The following SHROOM2 variants were observed in gnomAD, a reference collection of about 807,000 sequenced individuals.
SHROOM2 encodes protein Shroom2.
Under a neutral mutation model 75.9 loss-of-function variants are expected in SHROOM2, and 33 were observed. The ratio of observed to expected loss-of-function variants is 0.43; its 90% confidence interval spans 0.33 to 0.58. The LOEUF (loss-of-function observed/expected upper bound fraction) is 0.58, where lower values mean the gene tolerates loss of function less well. Among genes scored for constraint, SHROOM2 ranks in the 20% least tolerant of loss-of-function variants. The pLI is 0.04. For synonymous variants in SHROOM2, 655 were observed against 663.6 expected, an observed-to-expected ratio of 0.99 and a Z score of 0.20; for missense variants, 1,434 against 1,461.2, an observed-to-expected ratio of 0.98 and a Z score of 0.30.
rs2084851004 is a variant in SHROOM2, at chrX:9,949,293, G to A, written c.*2356G>A. On this transcript the variant is annotated 3_prime_UTR_variant, in exon 10 of 10. Transcript: ENST00000380913. Reference sequence around the variant, plus strand: ...CGCCCTCTTGTAGTGTGGCTGTGGAGGGCTCTGCCTATGGGGGGTGGCCTG... The same window carrying A: ...CGCCCTCTTGTAGTGTGGCTGTGGAAGGCTCTGCCTATGGGGGGTGGCCTG... 1 of 329,940 alleles carries A rather than the reference G, an allele frequency of 3.0e-6. No homozygotes were observed. Among genetic ancestry groups the A allele is most frequent in the Non-Finnish European group, 5.9e-6 (1 of 169,640 alleles). 27.2% of individuals were successfully genotyped at this position (329,940 alleles called of 1,213,427 possible). A position where few individuals can be genotyped will look rare whatever the true frequency, so the allele number is the denominator to read the frequency against.
intron 1 of SHROOM2, among the ~76,000 whole-genome samples, chrX:9,866,270 G>A (rs1450206553): frequency 9.3e-6 from 1 of 108,107 alleles, no homozygotes; most frequent in Non-Finnish European, 1.9e-5. Flanking sequence ...TTCTGAAGAC[G>A]CCGAGCTCAA....
intron 2 of SHROOM2, among the ~76,000 whole-genome samples, chrX:9,881,203 G>C (rs945013524): frequency 8.9e-6 from 1 of 111,896 alleles, no homozygotes; most frequent in African/African-American, 3.3e-5. Context: ...GAGGGTAGTT[G>C]TACCATTTAC....
intron 5 of SHROOM2, among the ~76,000 whole-genome samples, chrX:9,925,816 G>A (rs754508457): frequency 1.8e-5 from 2 of 112,486 alleles, no homozygotes; most frequent in African/African-American, 3.2e-5. Context: ...CATTATCCAC[G>A]GGAAGTGTGT....
At chrX:9,832,079 C>T (rs892636940) in intron 1 of SHROOM2, among the ~76,000 whole-genome samples, 1 of 112,176 alleles carries the variant, frequency 8.9e-6, no homozygotes. Flanking sequence ...CCTAGGGAAC[C>T]TTAGTTAAGG....
chrX:9,808,857 G>A (rs781686189), intron 1 of SHROOM2, among the ~76,000 whole-genome samples: 9 of 109,701 alleles, frequency 8.2e-5, no homozygotes, highest in East Asian at 5.7e-4. Context: ...AGTGAACTTC[G>A]TCTCAAAAAA....
At chrX:9,918,172 A>G (rs2084508409) in intron 5 of SHROOM2, among the ~76,000 whole-genome samples, 1 of 112,889 alleles carries the variant, frequency 8.9e-6, no homozygotes. Flanking sequence ...GTTAGCAATT[A>G]GCATTCCCGA....
chrX:9,854,250 C>T (rs1344658371), intron 1 of SHROOM2, among the ~76,000 whole-genome samples: 1 of 112,660 alleles, frequency 8.9e-6, no homozygotes, highest in Non-Finnish European at 1.9e-5. Flanking sequence ...AGAAGAAATG[C>T]CACTCAAACC....
At chrX:9,941,440 G>A (rs766194877) in intron 8 of SHROOM2, among the ~76,000 whole-genome samples, 4 of 112,472 alleles carry the variant, frequency 3.6e-5, no homozygotes, top group Non-Finnish European at 7.5e-5. Context: ...GCCAGGTCTT[G>A]TCTCAGAAAT....
intron 1 of SHROOM2, among the ~76,000 whole-genome samples, chrX:9,847,312 C>A (rs1011108745): frequency 2.7e-5 from 3 of 112,289 alleles, no homozygotes; most frequent in African/African-American, 9.7e-5. Context: ...CCGTGCCTGA[C>A]GGATGAGAAT....
intron 2 of SHROOM2, among the ~76,000 whole-genome samples, chrX:9,876,647 C>T (rs983221855): frequency 3.6e-5 from 4 of 112,320 alleles, no homozygotes; most frequent in Non-Finnish European, 7.5e-5. Context: ...GAGACACCAA[C>T]ATATTCATAT....
intron 1 of SHROOM2, among the ~76,000 whole-genome samples, chrX:9,838,401 G>A (rs1250065472): frequency 9.0e-6 from 1 of 110,696 alleles, no homozygotes; most frequent in African/African-American, 3.3e-5. Flanking sequence ...CTGGGATTGG[G>A]TTGTTGCCAA....
intron 1 of SHROOM2, among the ~76,000 whole-genome samples, chrX:9,823,607 A>G (rs1298080844): frequency 9.0e-6 from 1 of 111,382 alleles, no homozygotes; most frequent in Non-Finnish European, 1.9e-5. Context: ...GTGCTAGGAA[A>G]ACAGAATCAG....
At chrX:9,931,627 A>G (rs1156525777) in intron 5 of SHROOM2, among the ~76,000 whole-genome samples, 1 of 111,364 alleles carries the variant, frequency 9.0e-6, no homozygotes, top group African/African-American at 3.3e-5. Context: ...CTGGGTGACA[A>G]AGCGAGACCC....
rs376108269 is a variant in SHROOM2 at position 9,854,297 on chromosome X, G to A, written c.166-19355G>A. On this transcript the variant is annotated intron_variant, in intron 1 of 9. Coordinates refer to ENST00000380913, the MANE Select transcript of SHROOM2 (RefSeq NM_001649.4). ...GTTTAGGAGAGGCTTTGCCTCTTGG[G>A]CCATTGCTTCATGTTCCCATTTTGG... 5.1e-4 allele frequency among the ~76,000 whole-genome samples: 57 copies of A among 112,154 alleles called. No homozygotes were observed. In the South Asian group the frequency reaches 0.014, roughly 27 times the overall value.
At chrX:9,921,675 C>A (rs2084546733) in intron 5 of SHROOM2, among the ~76,000 whole-genome samples, 1 of 112,192 alleles carries the variant, frequency 8.9e-6, no homozygotes, top group Non-Finnish European at 1.9e-5. Context: ...GTTTAAAATT[C>A]TTCACGTAAG....
intron 1 of SHROOM2, among the ~76,000 whole-genome samples, chrX:9,871,948 G>A (rs991587545): frequency 8.9e-6 from 1 of 112,405 alleles, no homozygotes. Flanking sequence ...TGATGTGCTT[G>A]TAACCAGTGA....
At chrX:9,905,747 A>G (rs938138693) in intron 5 of SHROOM2, among the ~76,000 whole-genome samples, 2 of 112,302 alleles carry the variant, frequency 1.8e-5, no homozygotes, top group African/African-American at 6.5e-5. Context: ...ATGGCTGTGT[A>G]TGTGTGTGTG....
chrX:9,836,107 C>T (rs745778532), intron 1 of SHROOM2, among the ~76,000 whole-genome samples: 39 of 112,336 alleles, frequency 3.5e-4, no homozygotes, highest in African/African-American at 8.4e-4. Context: ...GCAGCAGACC[C>T]GGGCACCAGA....
chrX:9,802,820 G>C (rs2083730752), intron 1 of SHROOM2, among the ~76,000 whole-genome samples: 1 of 111,039 alleles, frequency 9.0e-6, no homozygotes, highest in South Asian at 3.8e-4. Flanking sequence ...GACCATCTAA[G>C]ACAAGGTAAC....
Sources: allele counts gnomAD v4.1 joint callset (sites outside exome capture counted in the v4.1 genomes callset), GRCh38; gene constraint gnomAD v4.1.1; transcripts MANE v1.5; gene names NCBI Gene and HGNC (gene_info 2026-07-23, HGNC 2026-07-21).